Variants in CDH13 observed in about 807,000 individuals in gnomAD.
CDH13 encodes the protein cadherin 13, also known as cadherin-13.
CDH13 carries 24 observed loss-of-function variants against 63.8 expected under a neutral mutation model. That is an observed-to-expected ratio of 0.38 (90% CI 0.27 to 0.53). CDH13 has a LOEUF of 0.53. Ranked by LOEUF, CDH13 falls within the 20% of genes least tolerant of loss-of-function variation. The pLI, the probability that CDH13 is intolerant of heterozygous loss-of-function variation, is 0.85. For synonymous variants in CDH13, 503 were observed against 355.3 expected (o/e 1.42, Z -4.67); for missense variants, 1,049 against 903.1 (o/e 1.16, Z -2.07).
intron 5 of CDH13, among the ~76,000 whole-genome samples, chr16:83,247,520 G>T (rs932683491): frequency 6.6e-6 from 1 of 151,412 alleles, no homozygotes; most frequent in Admixed American, 6.6e-5. Context: ...AACAGTGTCT[G>T]TTAAACATGC....
rs1386368144 is a variant in CDH13 at position 83,368,919 on chromosome 16, T to C, written c.781+23913T>C. 7.2e-4 allele frequency among the ~76,000 whole-genome samples: 61 copies of C among 84,420 alleles called. 4 individuals carry two copies. The highest frequency in any genetic ancestry group is 4.3e-3 in the African/African-American group (52 of 12,158). 55.4% of individuals were successfully genotyped at this position (84,420 alleles called of 152,430 possible). On this transcript the variant is annotated intron_variant, in intron 6 of 13. Coordinates refer to ENST00000567109, the MANE Select transcript of CDH13 (RefSeq NM_001257.5). ...ATATATATATATATATATATATATA[T>C]ATATATATATATATATATACTAGGT...
At chr16:82,879,559 A>G (rs1218370705) in intron 2 of CDH13, among the ~76,000 whole-genome samples, 1 of 142,280 alleles carries the variant, frequency 7.0e-6, no homozygotes, top group Non-Finnish European at 1.5e-5. Context: ...ATATACATAT[A>G]TTGTATATTT....
At chr16:83,725,568 C>T (rs1054484045) in intron 10 of CDH13, 6 of 152,274 alleles carry the variant, frequency 3.9e-5, no homozygotes, top group African/African-American at 1.2e-4. Context: ...CATCCAGACA[C>T]GGAAGTCGAC....
At chr16:83,599,289 A>C (rs1907560302) in intron 7 of CDH13, among the ~76,000 whole-genome samples, 1 of 152,132 alleles carries the variant, frequency 6.6e-6, no homozygotes, top group Non-Finnish European at 1.5e-5. Flanking sequence ...TCATAGAGTC[A>C]CCCTAGTCTC....
rs1567513890 is a variant in CDH13 at position 83,216,416 on chromosome 16, AT to A, written c.484-928del. 5.3e-4 allele frequency among the ~76,000 whole-genome samples: 48 copies of A among 90,296 alleles called. 7 individuals carry two copies. The East Asian group carries it at 8.8e-3, about 16-fold the overall frequency. 59.2% of individuals were successfully genotyped at this position (90,296 alleles called of 152,430 possible). On this transcript the variant is annotated intron_variant, in intron 4 of 13. Transcript: ENST00000567109. The stretch of plus-strand genomic sequence containing the variant: ...CATTGAAATATATATATATATATAT[AT>A]ATATATATATATATATATATATATA...
chr16:83,748,276 G>A, intron 11 of CDH13, 26 bp downstream of exon 11: 1 of 1,569,684 alleles, frequency 6.4e-7, no homozygotes, highest in Non-Finnish European at 8.7e-7. Flanking sequence ...AGACCATCAA[G>A]GGTATACTTT....
chr16:83,115,339 G>C (rs150783767), intron 3 of CDH13, among the ~76,000 whole-genome samples: 2 of 152,282 alleles, frequency 1.3e-5, no homozygotes, highest in Admixed American at 1.3e-4. Flanking sequence ...ACTGTGCCTG[G>C]CATGTAATAA....
At position 83,047,475 on chromosome 16, in the gene CDH13, C is replaced by G. The variant is rs2151498111; in HGVS notation, c.366+15257C>G. Among the ~76,000 whole-genome samples, 1 of 152,124 alleles carries G rather than the reference C, an allele frequency of 6.6e-6. No homozygotes were observed. Among genetic ancestry groups the G allele is most frequent in the Non-Finnish European group, 1.5e-5 (1 of 68,026 alleles). ...TATTTACCTTGTTATCTGTAATTTC[C>G]TCTTTCCCTCAGGCCTTTGCGTAAT... On this transcript the variant is annotated intron_variant, in intron 3 of 13. Transcript: ENST00000567109. The surrounding 1 kb of genome is among the most constrained non-coding windows in gnomAD (Gnocchi z 4.9).
chr16:83,621,429 G>A (rs1909802802), intron 8 of CDH13, among the ~76,000 whole-genome samples: 1 of 134,846 alleles, frequency 7.4e-6, no homozygotes, highest in Non-Finnish European at 1.5e-5. Context: ...GCTTGAACTT[G>A]CAAACTTCAA....
chr16:82,912,697 A>G (rs1430409123), intron 2 of CDH13, among the ~76,000 whole-genome samples: 2 of 152,168 alleles, frequency 1.3e-5, no homozygotes, highest in Non-Finnish European at 2.9e-5. Context: ...TAATCCCAGC[A>G]CTTTGGGAGG....
chr16:82,631,346 G>A (rs958329467), intron 1 of CDH13, among the ~76,000 whole-genome samples: 5 of 152,198 alleles, frequency 3.3e-5, no homozygotes, highest in Non-Finnish European at 5.9e-5. Context: ...CCTGTGGAAG[G>A]AGATAACCTT....
chr16:82,722,876 C>T (rs979630900), intron 1 of CDH13: 1 of 152,212 alleles, frequency 6.6e-6, no homozygotes, highest in Admixed American at 6.5e-5. Context: ...TGTCCAGCAC[C>T]AGGAAGCTCT....
intron 2 of CDH13, among the ~76,000 whole-genome samples, chr16:82,988,646 A>C (rs996626313): frequency 6.6e-6 from 1 of 151,948 alleles, no homozygotes; most frequent in Admixed American, 6.6e-5. Context: ...CTGTAATCCC[A>C]GCTACTCTGG....
chr16:82,761,126 T>A (rs971776696), intron 1 of CDH13, among the ~76,000 whole-genome samples: 1 of 144,770 alleles, frequency 6.9e-6, no homozygotes, highest in Admixed American at 7.2e-5. Context: ...CAGGTTCAAG[T>A]GAATCTCCTG....
At chr16:83,419,574 A>G (rs1316888283) in intron 6 of CDH13, among the ~76,000 whole-genome samples, 1 of 152,198 alleles carries the variant, frequency 6.6e-6, no homozygotes, top group Non-Finnish European at 1.5e-5. Flanking sequence ...AATACCTGAC[A>G]TTTATTGAGC....
At chr16:82,805,591 T>C (rs149870554) in intron 1 of CDH13, among the ~76,000 whole-genome samples, 1 of 152,234 alleles carries the variant, frequency 6.6e-6, no homozygotes, top group Non-Finnish European at 1.5e-5. Context: ...CAAATATAAG[T>C]ATGACAAGCA....
At chr16:82,676,559 C>T (rs1245821307) in intron 1 of CDH13, among the ~76,000 whole-genome samples, 3 of 148,608 alleles carry the variant, frequency 2.0e-5, no homozygotes, top group African/African-American at 7.4e-5. Context: ...ATCACTCTTA[C>T]CTTCTTCCAA....
chr16:83,249,777 TTCTTGG>T (rs1199414754), intron 5 of CDH13, among the ~76,000 whole-genome samples: 4 of 152,224 alleles, frequency 2.6e-5, no homozygotes, highest in Non-Finnish European at 4.4e-5. Context: ...ACGTTTTTCT[TTCTTGG>T]AACAAACAGG....
At chr16:83,080,964 C>T (rs1025093915) in intron 3 of CDH13, among the ~76,000 whole-genome samples, 5 of 143,624 alleles carry the variant, frequency 3.5e-5, no homozygotes, top group African/African-American at 7.8e-5. Context: ...TCACCGCAAC[C>T]TCTGCCTCCC....
Sources: allele counts gnomAD v4.1 joint callset (sites outside exome capture counted in the v4.1 genomes callset), GRCh38; gene constraint gnomAD v4.1.1; non-coding constraint Gnocchi (gnomAD v3.1); transcripts MANE v1.5; gene names NCBI Gene and HGNC (gene_info 2026-07-23, HGNC 2026-07-21).